Variants in HECA observed in about 807,000 individuals in gnomAD.
HECA encodes the protein headcase protein homolog.
Under a neutral mutation model 37.6 loss-of-function variants are expected in HECA, and 13 were observed. That is an observed-to-expected ratio of 0.35 (90% CI 0.23 to 0.55). The LOEUF is 0.55. HECA is among the 20% of genes least tolerant of loss of function. The probability of loss-of-function intolerance (pLI) is 0.90; values close to 1 mark genes in which losing one functional copy is unlikely to be tolerated. For synonymous variants in HECA, 307 were observed against 291.5 expected, an observed-to-expected ratio of 1.05 and a Z score of -0.54; for missense variants, 527 against 701.9, an observed-to-expected ratio of 0.75 and a Z score of 2.82.
chr6:139,135,261 A>C lies in HECA; in HGVS notation c.-136A>C, dbSNP rs1395062921. On this transcript the variant is annotated 5_prime_UTR_variant, in exon 1 of 4. Transcript: ENST00000367658. ...GGCGCGGCACGGGCCGTGCGGCTAG[A>C]CGGGAGCCGAGGGAACCGCCGGCTC... 3.1e-5 allele frequency: 20 copies of C among 650,962 alleles called. No individual in the cohort carries two copies. The highest frequency in any genetic ancestry group is 3.8e-5 in the Non-Finnish European group (19 of 498,412). 40.3% of individuals were successfully genotyped at this position (650,962 alleles called of 1,614,324 possible).
At chr6:139,163,612 C>T (rs117569225) in intron 1 of HECA, among the ~76,000 whole-genome samples, 4,254 of 152,202 alleles carry the variant, frequency 0.028, 78 homozygotes, top group East Asian at 0.054. Flanking sequence ...CCACGGCCTT[C>T]GAAAGTGCTG....
intron 1 of HECA, among the ~76,000 whole-genome samples, chr6:139,139,529 G>A (rs117844137): frequency 6.6e-6 from 1 of 152,306 alleles, no homozygotes; most frequent in Non-Finnish European, 1.5e-5. Context: ...GAGTGCTCTT[G>A]GCATCATTCC....
chr6:139,136,267 T>TAAAAA (rs71674341), intron 1 of HECA, among the ~76,000 whole-genome samples: 1 of 132,046 alleles, frequency 7.6e-6, no homozygotes. Context: ...AGCCCGGAGT[T>TAAAAA]AAAAAAAAAA....
intron 2 of HECA, among the ~76,000 whole-genome samples, chr6:139,172,625 C>G (rs1198698465): frequency 6.6e-6 from 1 of 152,138 alleles, no homozygotes; most frequent in Non-Finnish European, 1.5e-5. Context: ...ATTCAAAATT[C>G]TCTGTGGTCA....
At chr6:139,147,703 A>G (rs1582937201) in intron 1 of HECA, among the ~76,000 whole-genome samples, 1 of 152,254 alleles carries the variant, frequency 6.6e-6, no homozygotes, top group East Asian at 1.9e-4. Flanking sequence ...CACTTTACTC[A>G]CACATTGTAC....
chr6:139,171,322 C>T (rs955125576), intron 2 of HECA, among the ~76,000 whole-genome samples: 1 of 152,094 alleles, frequency 6.6e-6, no homozygotes, highest in Non-Finnish European at 1.5e-5. Flanking sequence ...AAAATTAGGC[C>T]TGAGTACTTG....
chr6:139,176,972 C>T lies in HECA; in HGVS notation c.1499C>T (p.Pro500Leu), dbSNP rs760893264. 4 of 872,532 alleles carry T rather than the reference C, an allele frequency of 4.6e-6. No homozygotes were observed. The highest frequency in any genetic ancestry group is 1.7e-5 in the Admixed American group (1 of 59,166). 54.0% of individuals were successfully genotyped at this position (872,532 alleles called of 1,614,324 possible). The change falls in exon 4 of 4, where the codon CCG (proline) becomes CTG (leucine). Residue 500 changes from proline to leucine, a missense_variant. Coordinates refer to ENST00000367658, the MANE Select transcript of HECA (RefSeq NM_016217.3). This position sits in a 1 kb window ranked among gnomAD's most constrained non-coding sequence, Gnocchi z 4.5. ...ARLNCKHCGK[P>L]VIDVRIGMQY... ...CTGAACTGTAAGCACTGTGGGAAGC[C>T]GGTGATCGACGTGAGGATCGGGATG...
At chr6:139,174,719 G>A (rs1775028116) in intron 3 of HECA, 180 bp downstream of exon 3, 1 of 802,998 alleles carries the variant, frequency 1.2e-6, no homozygotes, top group Non-Finnish European at 1.8e-6. Context: ...GAATACTGTA[G>A]AATAATATAT....
chr6:139,136,267 T>TAAA (rs71674341), intron 1 of HECA, among the ~76,000 whole-genome samples: 4 of 132,044 alleles, frequency 3.0e-5, no homozygotes, highest in Admixed American at 7.6e-5. Flanking sequence ...AGCCCGGAGT[T>TAAA]AAAAAAAAAA....
chr6:139,135,564 C>T lies in HECA; in HGVS notation c.168C>T (p.Gly56=), dbSNP rs1464423881. The change falls in exon 1 of 4, where the codon GGC becomes GGT. Residue 56 remains glycine, a synonymous_variant. Coordinates refer to ENST00000367658, the MANE Select transcript of HECA (RefSeq NM_016217.3). ...AAAGCGAAAA[G]APGAGGAAGA... ...CCGGTTGCGGGGCGGCGGCGGCGGG[C>T]GCGCCGGGCGCCGGAGGCGCGGCGG... 3 of 971,994 alleles carry T rather than the reference C, an allele frequency of 3.1e-6. No individual in the cohort carries two copies. Among genetic ancestry groups the T allele is most frequent in the African/African-American group, 3.6e-5 (2 of 55,818 alleles). 60.2% of individuals were successfully genotyped at this position (971,994 alleles called of 1,614,324 possible). A position where few individuals can be genotyped will look rare whatever the true frequency, so the allele number is the denominator to read the frequency against.
At position 139,179,737 on chromosome 6, in the gene HECA, T is replaced by A. The variant is rs1775107579; in HGVS notation, c.*2632T>A. On this transcript the variant is annotated 3_prime_UTR_variant, in exon 4 of 4. Transcript: ENST00000367658. ...TACCCCAAGCTTGCCCTGAATACTT[T>A]GATTGGAATTGGAATATATCAAAAA... 1 of 152,218 alleles carries A rather than the reference T, an allele frequency of 6.6e-6. No individual in the cohort carries two copies. The highest frequency in any genetic ancestry group is 2.4e-5 in the African/African-American group (1 of 41,454). 9.4% of individuals were successfully genotyped at this position (152,218 alleles called of 1,614,324 possible). A position where few individuals can be genotyped will look rare whatever the true frequency, so the allele number is the denominator to read the frequency against.
chr6:139,144,749 A>T (rs954247303), intron 1 of HECA: 39 of 152,250 alleles, frequency 2.6e-4, no homozygotes, highest in African/African-American at 8.2e-4. Flanking sequence ...TTGGAGGTGG[A>T]GCCTGCCATG....
At chr6:139,158,742 C>CAT (rs1774753785) in intron 1 of HECA, among the ~76,000 whole-genome samples, 1 of 151,326 alleles carries the variant, frequency 6.6e-6, no homozygotes, top group Non-Finnish European at 1.5e-5. Flanking sequence ...ATAACTTCTT[C>CAT]ATTCCTCATG....
chr6:139,159,060 C>G (rs985933507), intron 1 of HECA: 1 of 151,564 alleles, frequency 6.6e-6, no homozygotes. Flanking sequence ...GCAACAAGAG[C>G]GAAACTCCCT....
At chr6:139,139,223 TG>T (rs1292245687) in intron 1 of HECA, among the ~76,000 whole-genome samples, 3 of 152,228 alleles carry the variant, frequency 2.0e-5, no homozygotes, top group Non-Finnish European at 4.4e-5. Context: ...TTCCATTTGG[TG>T]GACCTAGATT....
intron 1 of HECA, among the ~76,000 whole-genome samples, chr6:139,161,946 T>C (rs533955221): frequency 6.6e-6 from 1 of 152,246 alleles, no homozygotes; most frequent in Non-Finnish European, 1.5e-5. Flanking sequence ...CTTCTACTTC[T>C]TTTTGTTGTG....
intron 1 of HECA, among the ~76,000 whole-genome samples, chr6:139,161,959 T>G (rs1189014240): frequency 1.3e-5 from 2 of 152,212 alleles, no homozygotes; most frequent in Admixed American, 6.5e-5. Context: ...TTGTTGTGCT[T>G]CAGTACATCC....
intron 1 of HECA, among the ~76,000 whole-genome samples, chr6:139,161,843 C>A (rs1433796882): frequency 6.6e-6 from 1 of 152,188 alleles, no homozygotes; most frequent in Non-Finnish European, 1.5e-5. Flanking sequence ...AAGATAAAAA[C>A]AACTACACTT....
intron 1 of HECA, among the ~76,000 whole-genome samples, chr6:139,147,219 C>T (rs561570199): frequency 2.6e-5 from 4 of 152,026 alleles, no homozygotes; most frequent in African/African-American, 4.8e-5. Flanking sequence ...CACACACATA[C>T]GTACATAAAT....
Sources: gnomAD v4.1 joint callset for allele counts (sites outside exome capture counted in the v4.1 genomes callset) on GRCh38, gnomAD v4.1.1 for gene constraint, Gnocchi (gnomAD v3.1) non-coding constraint, MANE v1.5 for transcripts, NCBI Gene and HGNC (gene_info 2026-07-23, HGNC 2026-07-21) for gene names.